The following LILRB5 variants were observed in gnomAD, a reference collection of about 807,000 sequenced individuals.
LILRB5 encodes leukocyte immunoglobulin like receptor B5.
A neutral mutation model predicts 68.4 loss-of-function variants in LILRB5; 61 were observed. The ratio of observed to expected loss-of-function variants is 0.89; its 90% confidence interval spans 0.73 to 1.10. LILRB5 has a LOEUF of 1.10. Ranked by LOEUF, LILRB5 falls within the 50% of genes least tolerant of loss-of-function variation. The pLI is 0.00. For synonymous variants in LILRB5, 356 were observed against 315.8 expected (o/e 1.13, Z -1.35); for missense variants, 771 against 751.6 (o/e 1.03, Z -0.30).
chr19:54,250,879 C>A lies in LILRB5; in HGVS notation c.1683G>T (p.Leu561Phe), dbSNP rs145777493. ...GCTCAGTTGCCTCCCGTCTGAGGGT[C>A]AAGCTGTGCAGCTGGGCGTAGGTCA... Reference protein sequence around the residue: ...QDVTYAQLHSLTLRREATEPP... With the variant: ...QDVTYAQLHSFTLRREATEPP... Residue 561 changes from leucine to phenylalanine, a missense_variant, in exon 13 of 13, where the codon TTG becomes TTT. Transcript: ENST00000449561. 1,379 of 1,608,914 alleles carry A rather than the reference C, an allele frequency of 8.6e-4. 8 individuals are homozygous for A. The African/African-American group carries it at 0.016, about 19-fold the overall frequency.
chr19:54,252,037 C>T lies in LILRB5; in HGVS notation c.1629+17G>A, dbSNP rs2078970501. 2 of 1,612,720 alleles carry T rather than the reference C, an allele frequency of 1.2e-6. No homozygotes were observed. Among genetic ancestry groups the T allele is most frequent in the African/African-American group, 1.3e-5 (1 of 74,904 alleles). ...ACCAGGAGGCCTTTGGTGCCCGGGA[C>T]AGGGGCGGGGCCTCACCGGAGCATC... On this transcript the variant is annotated intron_variant, in intron 12 of 12. Coordinates refer to ENST00000449561, the MANE Select transcript of LILRB5 (RefSeq NM_001081442.3).
At chr19:54,253,823 G>T in intron 8 of LILRB5, 195 bp downstream of exon 8, 1 of 1,479,592 alleles carries the variant, frequency 6.8e-7, no homozygotes, top group Non-Finnish European at 9.0e-7. Context: ...CGTCACTGCT[G>T]CCGGTGGGAC....
At position 54,256,243 on chromosome 19, in the gene LILRB5, G is replaced by A. The variant is rs750231939; in HGVS notation, c.455C>T (p.Thr152Met). The A allele has an allele frequency of 3.0e-5, 49 of 1,613,896 alleles. No homozygotes were observed. The highest frequency in any genetic ancestry group is 9.4e-5 in the African/African-American group (7 of 74,854). ...LQCDTLDGLL[T>M]FVLVEEEQKL... is the part of the protein sequence containing the mutation. ...CTGTTCTTCCTCAACAAGAACAAAC[G>A]TGAGAAGTCCGTCCAGTGTATCACA... Residue 152 changes from threonine to methionine, a missense_variant, in exon 4 of 13, where the codon ACG becomes ATG. Thr to Met is a moderately conservative substitution (Grantham distance 81). Transcript: ENST00000449561.
intron 5 of LILRB5, 95 bp downstream of exon 5, chr19:54,255,190 CA>C (rs1412634870): frequency 1.3e-5 from 20 of 1,522,442 alleles, no homozygotes; most frequent in Admixed American, 2.1e-5. Context: ...CCCTTGGGAC[CA>C]CCCCCCCGCC....
rs1334832049 is a variant in LILRB5 at position 54,254,986 on chromosome 19, G to A, written c.1004C>T (p.Ala335Val). The change falls in exon 6 of 13, where the codon GCC becomes GTC. Residue 335 changes from alanine (A) to valine (V), a missense_variant. Coordinates refer to ENST00000449561, the MANE Select transcript of LILRB5 (RefSeq NM_001081442.3). ...ALSVQPGPKVASGENVTLLCQ... is the reference protein window; with the variant it reads ...ALSVQPGPKVVSGENVTLLCQ... ...CAGCAGGGTCACGTTCTCTCCTGAG[G>A]CCACCTTGGGGCCCGGCTGCACCGA... 6.2e-6 allele frequency: 10 copies of A among 1,613,526 alleles called. No individual in the cohort carries two copies. In the East Asian group the frequency reaches 1.3e-4, roughly 22 times the overall value.
rs532498860 is a variant in LILRB5, at chr19:54,250,780, C to G, written c.*6G>C. 3 of 1,613,780 alleles carry G rather than the reference C, an allele frequency of 1.9e-6. No homozygotes were observed. The highest frequency in any genetic ancestry group is 2.5e-6 in the Non-Finnish European group (3 of 1,179,976). On this transcript the variant is annotated 3_prime_UTR_variant, in exon 13 of 13. Transcript: ENST00000449561. ...TGTTGAGTATGAGATCTGGGTCCCCCGTGGGCTAGTGGATGGCCAGGGGGG... is the reference window on the plus strand; with the variant it reads ...TGTTGAGTATGAGATCTGGGTCCCCGGTGGGCTAGTGGATGGCCAGGGGGG...
At position 54,254,641 on chromosome 19, in the gene LILRB5, C is replaced by G. The variant is rs117301131; in HGVS notation, c.1255+94G>C. On this transcript the variant is annotated intron_variant, in intron 6 of 12. Transcript: ENST00000449561. ...CTGAGCCCCCCTCAAACCCTCCCCC[C>G]CGCACCGCGACTCCATCCCAGCCCA... 8,114 of 1,502,252 alleles carry G rather than the reference C, an allele frequency of 5.4e-3. 418 individuals are homozygous for G. In the East Asian group the frequency reaches 0.12, roughly 23 times the overall value. 93.1% of individuals were successfully genotyped at this position (1,502,252 alleles called of 1,614,324 possible). A position where few individuals can be genotyped will look rare whatever the true frequency, so the allele number is the denominator to read the frequency against.
In LILRB5 at chr19:54,252,900, TGTC is replaced by T; in HGVS notation, c.1442_1444del (p.Arg481del). Reference sequence around the variant, plus strand: ...TGTCCTGTGTTTGCTCTGATGCCGATGTCGGAGGAGGAGGAAGAGGAGGAGGAA... The same window carrying T: ...TGTCCTGTGTTTGCTCTGATGCCGATGGAGGAGGAGGAAGAGGAGGAGGAA... On this transcript the variant is annotated inframe_deletion, in exon 9 of 13. Transcript: ENST00000449561. 2 of 1,596,506 alleles carry T rather than the reference TGTC, an allele frequency of 1.3e-6. No homozygotes were observed. Among genetic ancestry groups the T allele is most frequent in the Non-Finnish European group, 1.7e-6 (2 of 1,169,102 alleles).
At position 54,255,005 on chromosome 19, in the gene LILRB5, G is replaced by A. The variant is rs1442282461; in HGVS notation, c.985C>T (p.Gln329Ter). 1.2e-6 allele frequency: 2 copies of A among 1,610,638 alleles called. No homozygotes were observed. Among genetic ancestry groups the A allele is most frequent in the South Asian group, 1.1e-5 (1 of 90,820 alleles). The change falls in exon 6 of 13, where the codon CAG becomes TAG. Residue 329 changes from glutamine (Q) to a stop codon, truncating the protein, a stop_gained. Coordinates refer to ENST00000449561, the MANE Select transcript of LILRB5 (RefSeq NM_001081442.3). LOFTEE classifies it high-confidence loss of function. ...LIPDIPALSV[Q>*]PGPKVASGEN... ...CCTGAGGCCACCTTGGGGCCCGGCTGCACCGAGAGGGCGGGTATGTCAGGG... is the reference window on the plus strand; with the variant it reads ...CCTGAGGCCACCTTGGGGCCCGGCTACACCGAGAGGGCGGGTATGTCAGGG...
At chr19:54,257,018 GGGATTTGCCCCT>G (rs2079171225) in intron 1 of LILRB5, 22 bp from the exon 2 acceptor site, 1 of 1,614,112 alleles carries the variant, frequency 6.2e-7, no homozygotes, top group Non-Finnish European at 8.5e-7. Flanking sequence ...TTCCCTGTGA[GGGATTTGCCCCT>G]GGAAGCCCCA....
Position 54,255,475 on chromosome 19 carries a change from G to A in LILRB5, c.763C>T (p.Leu255=). Residue 255 remains leucine, a synonymous_variant, in exon 5 of 13, where the codon CTG becomes TTG. Transcript: ENST00000449561. Reference sequence around the variant, plus strand: ...AGGTCATGTTCCCCCTCCTTGTACAGAACGAATATGTCATAGCCGACATCA... The same window carrying A: ...AGGTCATGTTCCCCCTCCTTGTACAAAACGAATATGTCATAGCCGACATCA... ...RSDVGYDIFV[L]YKEGEHDLVQ... 1 of 1,614,138 alleles carries A rather than the reference G, an allele frequency of 6.2e-7. No homozygotes were observed. Among genetic ancestry groups the A allele is most frequent in the Non-Finnish European group, 8.5e-7 (1 of 1,180,000 alleles).
At position 54,252,860 on chromosome 19, in the gene LILRB5, TC is replaced by T. The variant is rs773730473; in HGVS notation, c.1474+10del. On this transcript the variant is annotated intron_variant, in intron 9 of 12. Transcript: ENST00000449561. ...TCGGTCGGCCCACGGGTTCCCCCAT[TC>T]CCTACTCACCCGATGTCCTGTGTTT... The T allele has an allele frequency of 7.1e-5, 114 of 1,602,596 alleles. No individual in the cohort carries two copies. The highest frequency in any genetic ancestry group is 9.2e-5 in the Non-Finnish European group (108 of 1,172,686).
At chr19:54,252,723 T>C in intron 9 of LILRB5, 148 bp downstream of exon 9, 1 of 1,007,790 alleles carries the variant, frequency 9.9e-7, no homozygotes, top group Non-Finnish European at 1.5e-6. Flanking sequence ...ATGCTCACAT[T>C]TATTCTCTTC....
At position 54,249,592 on chromosome 19, in the gene LILRB5, A is replaced by G. The variant is rs1284368482; in HGVS notation, c.*1194T>C. 1 of 152,342 alleles carries G rather than the reference A, an allele frequency of 6.6e-6. No individual in the cohort carries two copies. Among genetic ancestry groups the G allele is most frequent in the Middle Eastern group, 3.4e-3 (1 of 294 alleles). The allele number at this position is 152,342 out of a possible 1,614,324, so 9.4% of individuals were successfully genotyped here. ...AATTTAAAGTACTTGGGAGAATAGA[A>G]TGAGGAGGGGGAATGTCCTATCTAT... On this transcript the variant is annotated 3_prime_UTR_variant, in exon 13 of 13. Coordinates refer to ENST00000449561, the MANE Select transcript of LILRB5 (RefSeq NM_001081442.3).
chr19:54,257,133 C>T (rs370482084), intron 1 of LILRB5, 27 bp downstream of exon 1: 4 of 1,613,938 alleles, frequency 2.5e-6, no homozygotes, highest in African/African-American at 1.3e-5. Flanking sequence ...AAGACGGGGA[C>T]CTTCCTTCCC....
At chr19:54,255,777 G>T in intron 4 of LILRB5, 195 bp from the exon 5 acceptor site, 1 of 731,850 alleles carries the variant, frequency 1.4e-6, no homozygotes, top group Non-Finnish European at 2.2e-6. Flanking sequence ...CCTGGCCACT[G>T]TCTGTCTGGT....
At chr19:54,255,890 C>T (rs1205260505) in intron 4 of LILRB5, 153 bp downstream of exon 4, 2 of 693,112 alleles carry the variant, frequency 2.9e-6, no homozygotes, top group African/African-American at 3.6e-5. Context: ...CCTGTTTCCC[C>T]ATCTGAGCCT....
At position 54,257,172 on chromosome 19, in the gene LILRB5, G is replaced by T; in HGVS notation, c.22C>A (p.Leu8Met). Residue 8 changes from leucine (L) to methionine (M), a missense_variant, in exon 1 of 13, where the codon CTG becomes ATG. Physicochemically the swap from Leu to Met is conservative, Grantham distance 15 (BLOSUM62 2). Coordinates refer to ENST00000449561, the MANE Select transcript of LILRB5 (RefSeq NM_001081442.3). Reference sequence around the variant, plus strand: ...CTTCAAACCTCACCGAGGCAAATCAGGACTGAGAGGGTGAGGGTCATGGCG... The same window carrying T: ...CTTCAAACCTCACCGAGGCAAATCATGACTGAGAGGGTGAGGGTCATGGCG... MTLTLSV[L>M]ICLGLSVGPR... The T allele has an allele frequency of 6.2e-7, 1 of 1,614,216 alleles. No individual in the cohort carries two copies. The highest frequency in any genetic ancestry group is 8.5e-7 in the Non-Finnish European group (1 of 1,180,030).
intron 12 of LILRB5, chr19:54,251,825 G>A (rs2078962908): frequency 2.8e-6 from 2 of 717,500 alleles, no homozygotes; most frequent in South Asian, 2.9e-5. Flanking sequence ...CTAACAACCA[G>A]ACGGCCAAAC....
Sources: allele counts gnomAD v4.1 joint callset, GRCh38; gene constraint gnomAD v4.1.1; transcripts MANE v1.5; gene names NCBI Gene and HGNC (gene_info 2026-07-23, HGNC 2026-07-21).